Variants in CNTNAP2 observed in about 807,000 individuals in gnomAD.
CNTNAP2 encodes the protein contactin-associated protein-like 2.
In CNTNAP2, 98 loss-of-function variants were observed where a neutral mutation model predicts 155.2. The observed-to-expected ratio is 0.63, with a 90% CI of 0.54 to 0.75. The LOEUF is 0.75. Among genes scored for constraint, CNTNAP2 ranks in the 30% least tolerant of loss-of-function variants. CNTNAP2 has a pLI of 0.00. For missense variants in CNTNAP2, 1,727 were observed against 1,688.1 expected (o/e 1.02, Z -0.40); for synonymous variants, 651 against 631.2 (o/e 1.03, Z -0.47).
At chr7:147,390,876 C>T (rs953712795) in intron 9 of CNTNAP2, among the ~76,000 whole-genome samples, 1 of 152,034 alleles carries the variant, frequency 6.6e-6, no homozygotes, top group African/African-American at 2.4e-5. Context: ...CCGGTGTTCA[C>T]CCTACAGCCC....
intron 13 of CNTNAP2, among the ~76,000 whole-genome samples, chr7:147,813,120 G>GA (rs11291111): frequency 0.011 from 1,550 of 135,816 alleles, 15 homozygotes; most frequent in Non-Finnish European, 0.016. Context: ...TTCACTATTT[G>GA]AAAAAAAAAA....
intron 1 of CNTNAP2, among the ~76,000 whole-genome samples, chr7:146,136,020 C>A (rs1286719226): frequency 6.6e-6 from 1 of 152,010 alleles, no homozygotes; most frequent in Admixed American, 6.6e-5. Flanking sequence ...ATGTAAATAG[C>A]CCCCAATTAT....
In CNTNAP2 at chr7:147,564,859, C is replaced by T. The variant is rs138395611; in HGVS notation, c.1897+2602C>T. ...AAGTAGAATTTTTTTTCTATTCATT[C>T]AAGATAGTTACAAACATCAGTGTGT... On this transcript the variant is annotated intron_variant, in intron 12 of 23. Coordinates refer to ENST00000361727, the MANE Select transcript of CNTNAP2 (RefSeq NM_014141.6). Among the ~76,000 whole-genome samples the T allele has an allele frequency of 3.2e-4, 49 of 152,202 alleles. 1 individual carries two copies. The East Asian group carries it at 8.1e-3, about 25-fold the overall frequency.
intron 21 of CNTNAP2, among the ~76,000 whole-genome samples, chr7:148,331,535 G>C (rs867904650): frequency 1.4e-4 from 15 of 105,818 alleles, no homozygotes; most frequent in African/African-American, 8.3e-4. Flanking sequence ...ATGGATGGAC[G>C]GATGGAGTGG....
intron 1 of CNTNAP2, among the ~76,000 whole-genome samples, chr7:146,490,412 A>G (rs1797121240): frequency 6.6e-6 from 1 of 152,236 alleles, no homozygotes; most frequent in South Asian, 2.1e-4. Flanking sequence ...ATAAAAAACA[A>G]TCACAGAATG....
At chr7:146,550,804 A>G (rs1798110828) in intron 1 of CNTNAP2, among the ~76,000 whole-genome samples, 1 of 152,118 alleles carries the variant, frequency 6.6e-6, no homozygotes, top group Non-Finnish European at 1.5e-5. Context: ...ATAAGACAAG[A>G]CACTTGGAAC....
intron 1 of CNTNAP2, among the ~76,000 whole-genome samples, chr7:146,291,659 A>G (rs1333607377): frequency 1.3e-5 from 2 of 152,218 alleles, no homozygotes; most frequent in African/African-American, 4.8e-5. Flanking sequence ...AGAATGAGTA[A>G]CAGCAGAAAG....
intron 1 of CNTNAP2, among the ~76,000 whole-genome samples, chr7:146,391,416 A>G (rs1317764617): frequency 3.3e-5 from 5 of 152,018 alleles, no homozygotes; most frequent in African/African-American, 7.2e-5. Context: ...CTTACATACT[A>G]TAGCCTCCCC....
chr7:147,301,388 A>G (rs974293333), intron 9 of CNTNAP2, among the ~76,000 whole-genome samples: 1 of 152,150 alleles, frequency 6.6e-6, no homozygotes, highest in African/African-American at 2.4e-5. Context: ...AGATCAATAC[A>G]TCTTTTATTA....
intron 8 of CNTNAP2, among the ~76,000 whole-genome samples, chr7:147,252,641 G>A (rs532858131): frequency 6.6e-6 from 1 of 152,226 alleles, no homozygotes; most frequent in Non-Finnish European, 1.5e-5. Context: ...TATGCATTGG[G>A]GGGAAGGTGA....
At chr7:146,624,397 G>C (rs1799383463) in intron 1 of CNTNAP2, among the ~76,000 whole-genome samples, 1 of 151,878 alleles carries the variant, frequency 6.6e-6, no homozygotes, top group African/African-American at 2.4e-5. Flanking sequence ...GATCCATTTT[G>C]AGTTAATTCT....
At chr7:146,856,494 T>G (rs1185041864) in intron 3 of CNTNAP2, among the ~76,000 whole-genome samples, 2 of 152,148 alleles carry the variant, frequency 1.3e-5, no homozygotes, top group Non-Finnish European at 2.9e-5. Flanking sequence ...AGTTCTGGCA[T>G]AAGACATTAA....
chr7:146,780,261 C>CTG, intron 2 of CNTNAP2, among the ~76,000 whole-genome samples: 1 of 152,038 alleles, frequency 6.6e-6, no homozygotes, highest in Non-Finnish European at 1.5e-5. Flanking sequence ...TCTCGGCTCA[C>CTG]TGCAAGCTCT....
At chr7:147,775,270 TA>T (rs1797548441) in intron 13 of CNTNAP2, among the ~76,000 whole-genome samples, 1 of 98,248 alleles carries the variant, frequency 1.0e-5, no homozygotes, top group Non-Finnish European at 2.0e-5. Flanking sequence ...AATATATTTA[TA>T]TATATATTTA....
chr7:147,458,688 TATA>T (rs1246234464), intron 10 of CNTNAP2, among the ~76,000 whole-genome samples: 4 of 152,210 alleles, frequency 2.6e-5, no homozygotes, highest in African/African-American at 9.6e-5. Context: ...AGAATGAGCT[TATA>T]ATATTTTGTA....
intron 1 of CNTNAP2, among the ~76,000 whole-genome samples, chr7:146,308,556 T>G (rs1016534740): frequency 2.0e-5 from 3 of 152,030 alleles, no homozygotes; most frequent in African/African-American, 7.3e-5. Context: ...CTATTCACAA[T>G]AGCAAAGACT....
intron 10 of CNTNAP2, among the ~76,000 whole-genome samples, chr7:147,442,493 C>A (rs1260433364): frequency 6.6e-6 from 1 of 152,134 alleles, no homozygotes; most frequent in African/African-American, 2.4e-5. Flanking sequence ...CCATTTTGTG[C>A]CCTACTCTCC....
chr7:147,600,892 G>A (rs984617954), intron 12 of CNTNAP2, among the ~76,000 whole-genome samples: 1 of 152,152 alleles, frequency 6.6e-6, no homozygotes, highest in African/African-American at 2.4e-5. Flanking sequence ...TGAGTGTGAT[G>A]TAGGTCATGG....
At chr7:146,407,638 C>T (rs1795810964) in intron 1 of CNTNAP2, among the ~76,000 whole-genome samples, 1 of 152,148 alleles carries the variant, frequency 6.6e-6, no homozygotes, top group African/African-American at 2.4e-5. Flanking sequence ...CTTCATTTGC[C>T]TCCTAATCAT....
Sources: gnomAD v4.1 joint callset for allele counts (sites outside exome capture counted in the v4.1 genomes callset) on GRCh38, gnomAD v4.1.1 for gene constraint, MANE v1.5 for transcripts, NCBI Gene and HGNC (gene_info 2026-07-23, HGNC 2026-07-21) for gene names.